PIK3AP1: variants seen among roughly 807,000 people sequenced by gnomAD.
PIK3AP1 encodes the protein phosphoinositide 3-kinase adapter protein 1.
A neutral mutation model predicts 88.1 loss-of-function variants in PIK3AP1; 21 were observed. That is an observed-to-expected ratio of 0.24 (90% confidence interval 0.17 to 0.34). The LOEUF is 0.34. PIK3AP1 is among the 10% of genes least tolerant of loss of function. PIK3AP1 has a pLI of 1.00. For synonymous variants in PIK3AP1, 398 were observed against 400.0 expected (o/e 1.00, Z 0.06); for missense variants, 828 against 1,035.7 (o/e 0.80, Z 2.75).
At chr10:96,713,133 G>A (rs967518892) in intron 1 of PIK3AP1, among the ~76,000 whole-genome samples, 7 of 152,120 alleles carry the variant, frequency 4.6e-5, no homozygotes, top group Admixed American at 2.0e-4. Context: ...AGGCCAGGGC[G>A]GGCGGATTGC....
intron 2 of PIK3AP1, among the ~76,000 whole-genome samples, chr10:96,705,836 T>C (rs1288802339): frequency 7.0e-6 from 1 of 142,168 alleles, no homozygotes; most frequent in African/African-American, 2.6e-5. Flanking sequence ...TGCTCCAGCC[T>C]CCCAAAGTGC....
At chr10:96,681,038 A>T (rs1236183690) in intron 2 of PIK3AP1, among the ~76,000 whole-genome samples, 2 of 152,208 alleles carry the variant, frequency 1.3e-5, no homozygotes, top group Non-Finnish European at 2.9e-5. Context: ...TGGCTTAAAC[A>T]ATAGAAATTT....
intron 2 of PIK3AP1, among the ~76,000 whole-genome samples, chr10:96,662,762 G>A (rs1271584100): frequency 1.3e-5 from 2 of 148,708 alleles, no homozygotes; most frequent in African/African-American, 2.5e-5. Context: ...GGCGCCTGTA[G>A]TCCCAGCTAC....
intron 2 of PIK3AP1, among the ~76,000 whole-genome samples, chr10:96,705,395 C>T (rs755994798): frequency 2.0e-5 from 3 of 152,154 alleles, no homozygotes; most frequent in Non-Finnish European, 4.4e-5. Flanking sequence ...TACTCTCTTA[C>T]TCCTGGAGAT....
chr10:96,641,578 T>C (rs1321887135), intron 8 of PIK3AP1, among the ~76,000 whole-genome samples: 1 of 152,178 alleles, frequency 6.6e-6, no homozygotes, highest in South Asian at 2.1e-4. Context: ...CCTGTGTAAG[T>C]GTCCCTCTCA....
At chr10:96,678,071 C>G (rs935421619) in intron 2 of PIK3AP1, among the ~76,000 whole-genome samples, 5 of 152,064 alleles carry the variant, frequency 3.3e-5, no homozygotes, top group Non-Finnish European at 7.3e-5. Flanking sequence ...TCAAATGATC[C>G]TCCTACCTCA....
chr10:96,645,669 GAGA>G lies in PIK3AP1; in HGVS notation c.1186-10_1186-8del, dbSNP rs755986457. ...TGAGCATGTCCACCGTTTCCTGAAAGAGAAGATGAGGCCCACGGCGCCCTGAGG... is the reference window on the plus strand; with the variant it reads ...TGAGCATGTCCACCGTTTCCTGAAAGAGATGAGGCCCACGGCGCCCTGAGG... On this transcript the variant is annotated splice_polypyrimidine_tract_variant and splice_region_variant and intron_variant, in intron 7 of 16. Coordinates refer to ENST00000339364, the MANE Select transcript of PIK3AP1 (RefSeq NM_152309.3). 6.3e-7 allele frequency: 1 copy of G among 1,583,484 alleles called. No homozygotes were observed. The highest frequency in any genetic ancestry group is 1.1e-5 in the South Asian group (1 of 87,468).
chr10:96,669,780 CAAA>C, intron 2 of PIK3AP1, among the ~76,000 whole-genome samples: 1 of 144,826 alleles, frequency 6.9e-6, no homozygotes, highest in East Asian at 2.0e-4. Flanking sequence ...AAAAAACAAA[CAAA>C]AAAAAAACCA....
At chr10:96,705,374 T>A (rs1844348206) in intron 2 of PIK3AP1, among the ~76,000 whole-genome samples, 2 of 152,158 alleles carry the variant, frequency 1.3e-5, no homozygotes, top group African/African-American at 4.8e-5. Context: ...TTACAGCACG[T>A]CTGCAGTATC....
chr10:96,686,370 T>A (rs927558415), intron 2 of PIK3AP1, among the ~76,000 whole-genome samples: 4 of 152,138 alleles, frequency 2.6e-5, no homozygotes, highest in African/African-American at 9.7e-5. Context: ...CTGCTCCTAC[T>A]GGATTTACAC....
chr10:96,690,642 C>T (rs1230143500), intron 2 of PIK3AP1, among the ~76,000 whole-genome samples: 1 of 152,216 alleles, frequency 6.6e-6, no homozygotes, highest in African/African-American at 2.4e-5. Flanking sequence ...CTTTGTGTCG[C>T]ATGATAAGAA....
At chr10:96,639,552 T>C (rs1843357290) in intron 8 of PIK3AP1, among the ~76,000 whole-genome samples, 1 of 152,208 alleles carries the variant, frequency 6.6e-6, no homozygotes, top group South Asian at 2.1e-4. Context: ...CAGTGTGCTT[T>C]CACTAAGTCC....
rs1007598734 is a variant in PIK3AP1, at chr10:96,651,547, A to G, written c.817T>C (p.Leu273=). 1 of 1,614,104 alleles carries G rather than the reference A, an allele frequency of 6.2e-7. No individual in the cohort carries two copies. The highest frequency in any genetic ancestry group is 8.5e-7 in the Non-Finnish European group (1 of 1,180,034). The change falls in exon 5 of 17, where the codon TTG becomes CTG. Residue 273 remains leucine (L), a synonymous_variant. Coordinates refer to ENST00000339364, the MANE Select transcript of PIK3AP1 (RefSeq NM_152309.3). ...YTDMEEIGNL[L]SNAANPVEFM... ...TCCACAGGATTCGCGGCATTGGACA[A>G]TAAATTCCCAATTTCTTCCATGTCA...
At chr10:96,632,711 C>T (rs1843260760) in intron 8 of PIK3AP1, among the ~76,000 whole-genome samples, 1 of 152,184 alleles carries the variant, frequency 6.6e-6, no homozygotes, top group Admixed American at 6.5e-5. Context: ...TGGTAGAGTT[C>T]TTTGGCCTCC....
chr10:96,621,539 A>C (rs1212009494), intron 11 of PIK3AP1: 1 of 152,280 alleles, frequency 6.6e-6, no homozygotes, highest in Non-Finnish European at 1.5e-5. Flanking sequence ...ACTTAGTGAT[A>C]GGCGTCGACT....
intron 2 of PIK3AP1, among the ~76,000 whole-genome samples, chr10:96,699,662 A>G (rs1157404715): frequency 6.6e-6 from 1 of 152,182 alleles, no homozygotes; most frequent in Non-Finnish European, 1.5e-5. Context: ...TAACCATCAG[A>G]TGAACAGTTG....
intron 6 of PIK3AP1, 70 bp downstream of exon 6, chr10:96,651,178 G>T: frequency 6.3e-7 from 1 of 1,584,788 alleles, no homozygotes; most frequent in Non-Finnish European, 8.7e-7. Context: ...CGCGTATGTT[G>T]ATGGGATGCT....
Position 96,628,889 on chromosome 10 carries a change from C to CACACACACATAT in PIK3AP1, c.1376-397_1376-396insATATGTGTGTGT, listed in dbSNP as rs1554955372. Among the ~76,000 whole-genome samples, 32 of 60,838 alleles carry CACACACACATAT rather than the reference C, an allele frequency of 5.3e-4. 2 individuals are homozygous for CACACACACATAT. The highest frequency in any genetic ancestry group is 1.8e-3 in the African/African-American group (31 of 16,784). 39.9% of individuals were successfully genotyped at this position (60,838 alleles called of 152,430 possible). ...ACATATATACACATATATATATATA[C>CACACACACATAT]ATATATATATATATATATGTGTATA... is the stretch of plus-strand genomic sequence containing the variant. On this transcript the variant is annotated intron_variant, in intron 8 of 16. Transcript: ENST00000339364.
At chr10:96,645,416 T>A in intron 8 of PIK3AP1, 57 bp downstream of exon 8, 1 of 1,576,298 alleles carries the variant, frequency 6.3e-7, no homozygotes, top group Non-Finnish European at 8.6e-7. Flanking sequence ...TCATCCGGAA[T>A]GAAAAAAGCT....
Sources: gnomAD v4.1 joint callset for allele counts (sites outside exome capture counted in the v4.1 genomes callset) on GRCh38, gnomAD v4.1.1 for gene constraint, MANE v1.5 for transcripts, NCBI Gene and HGNC (gene_info 2026-07-23, HGNC 2026-07-21) for gene names.